The following GRK1 variants were observed in gnomAD, a reference collection of about 807,000 sequenced individuals.
The protein encoded by GRK1 is rhodopsin kinase GRK1.
In GRK1, 28 loss-of-function variants were observed where a neutral mutation model predicts 41.7. The observed-to-expected ratio is 0.67, with a 90% CI of 0.50 to 0.92. GRK1 has a LOEUF of 0.92. Among genes scored for constraint, GRK1 ranks in the 40% least tolerant of loss-of-function variants. The probability of loss-of-function intolerance (pLI) is 0.00; values close to 1 mark genes in which losing one functional copy is unlikely to be tolerated. For missense variants in GRK1, 703 were observed against 671.2 expected (o/e 1.05, Z -0.52); for synonymous variants, 327 against 286.7 (o/e 1.14, Z -1.42).
At chr13:113,659,733 A>G in the GRK1 span, among the ~76,000 whole-genome samples, 2 of 152,124 alleles carry the variant, frequency 1.3e-5, no homozygotes. Flanking sequence ...GCGCCCAGCC[A>G]TAATTTCTTA....
chr13:113,735,177 C>T lies in GRK1; in HGVS notation c.1506C>T (p.Asp502=). 1 of 1,537,194 alleles carries T rather than the reference C, an allele frequency of 6.5e-7. No homozygotes were observed. Among genetic ancestry groups the T allele is most frequent in the Non-Finnish European group, 8.7e-7 (1 of 1,146,896 alleles). The change falls in exon 7 of 7, where the codon GAC becomes GAT. Residue 502 remains aspartate, a synonymous_variant. Coordinates refer to ENST00000335678, the MANE Select transcript of GRK1 (RefSeq NM_002929.3). ...TVKGVAFDKT[D]TEFFQEFATG... ...AAGGTGTGGCCTTTGACAAAACAGA[C>T]ACAGAATTCTTTCAGGAATTTGCCA...
chr13:113,651,046 G>A, the GRK1 span, among the ~76,000 whole-genome samples: 1 of 124,362 alleles, frequency 8.0e-6, no homozygotes, highest in Non-Finnish European at 1.8e-5. Context: ...GCAAATCCCC[G>A]CGGCCCCCAC....
chr13:113,725,259 C>A (rs565956004), intron 4 of GRK1, among the ~76,000 whole-genome samples: 17 of 151,458 alleles, frequency 1.1e-4, no homozygotes, highest in Non-Finnish European at 1.9e-4. Context: ...GCGGTGCGGA[C>A]CCAGGGGCGT....
upstream of GRK1, among the ~76,000 whole-genome samples, chr13:113,665,817 C>T (rs757109012): frequency 1.4e-5 from 2 of 143,178 alleles, no homozygotes; most frequent in African/African-American, 2.6e-5. Flanking sequence ...AAGTGTTCCC[C>T]AACTGCATTT....
At chr13:113,655,769 T>C in the GRK1 span, among the ~76,000 whole-genome samples, 1 of 152,224 alleles carries the variant, frequency 6.6e-6, no homozygotes, top group East Asian at 1.9e-4. Flanking sequence ...GCTCCTCCTC[T>C]CCGCTGATGT....
chr13:113,649,458 C>T, the GRK1 span: 2 of 1,568,778 alleles, frequency 1.3e-6, no homozygotes, highest in Middle Eastern at 1.8e-4. The surrounding 1 kb of genome is among the most constrained non-coding windows in gnomAD (Gnocchi z 4.7). Context: ...CCGCCATGAC[C>T]TTGCACACGA....
At chr13:113,657,072 G>A in the GRK1 span, among the ~76,000 whole-genome samples, 7 of 152,188 alleles carry the variant, frequency 4.6e-5, no homozygotes, top group South Asian at 2.1e-4. Flanking sequence ...AGCCTCCAGC[G>A]GGGGCTGCAG....
the GRK1 span, chr13:113,649,687 T>G: frequency 2.3e-6 from 2 of 870,102 alleles, no homozygotes; most frequent in Non-Finnish European, 3.3e-6. This position sits in a 1 kb window ranked among gnomAD's most constrained non-coding sequence, Gnocchi z 4.7. Context: ...CCCTGGAATT[T>G]GCTGAGATAA....
At chr13:113,727,899 T>A in intron 4 of GRK1, among the ~76,000 whole-genome samples, 1 of 80,680 alleles carries the variant, frequency 1.2e-5, no homozygotes, top group South Asian at 5.3e-4. Context: ...GGAGTACCCA[T>A]GGCAATGAGG....
At chr13:113,649,347 G>T in the GRK1 span, 4 of 1,578,168 alleles carry the variant, frequency 2.5e-6, no homozygotes, top group African/African-American at 5.4e-5. This position sits in a 1 kb window ranked among gnomAD's most constrained non-coding sequence, Gnocchi z 4.7. Context: ...CCCCGCAGGC[G>T]TGCCCAGGAC....
chr13:113,651,856 C>T, the GRK1 span: 1 of 1,112,478 alleles, frequency 9.0e-7, no homozygotes, highest in Non-Finnish European at 1.2e-6. Flanking sequence ...TGAGAAGGGC[C>T]CTTGGTCTGG....
the GRK1 span, among the ~76,000 whole-genome samples, chr13:113,657,702 C>T: frequency 1.3e-5 from 2 of 152,250 alleles, no homozygotes; most frequent in Admixed American, 6.5e-5. Context: ...CCACCTTTCA[C>T]GTTATTTTCA....
chr13:113,733,898 TATGTGTGCATACAGTGTGCGTGTGTGC>T (rs1377540728), intron 6 of GRK1, among the ~76,000 whole-genome samples: 2 of 65,618 alleles, frequency 3.0e-5, no homozygotes, highest in Non-Finnish European at 5.7e-5. Context: ...TGCGTGTGTG[TATGTGTGCATACAGTGTGCGTGTGTGC>T]ATGTGTGCAT....
At chr13:113,669,606 G>C (rs2049842517) in intron 1 of GRK1, 81 bp from the exon 2 acceptor site, 1 of 1,563,980 alleles carries the variant, frequency 6.4e-7, no homozygotes, top group Non-Finnish European at 8.8e-7. Flanking sequence ...AGTGGGCGTG[G>C]CCGGGTGCAC....
chr13:113,733,063 T>C lies in GRK1; in HGVS notation c.1374T>C (p.Leu458=). ...KLRAHPLFKD[L]NWRQLEAGML... is the part of the protein sequence containing the mutation. Reference sequence around the variant, plus strand: ...GTGCCCACCCCCTCTTCAAGGACCTTAACTGGAGGCAGCTGGAGGCTGGTA... The same window carrying C: ...GTGCCCACCCCCTCTTCAAGGACCTCAACTGGAGGCAGCTGGAGGCTGGTA... The change falls in exon 6 of 7, where the codon CTT becomes CTC. Residue 458 remains leucine, a synonymous_variant. Transcript: ENST00000335678. 1 of 1,536,742 alleles carries C rather than the reference T, an allele frequency of 6.5e-7. No homozygotes were observed. The highest frequency in any genetic ancestry group is 8.7e-7 in the Non-Finnish European group (1 of 1,146,768).
At chr13:113,733,155 G>A in intron 6 of GRK1, 70 bp downstream of exon 6, 1 of 1,446,744 alleles carries the variant, frequency 6.9e-7, no homozygotes, top group Non-Finnish European at 9.2e-7. Context: ...TGTCCGCCCG[G>A]TCCAGCCTGT....
Position 113,735,379 on chromosome 13 carries a change from C to G in GRK1, c.*16C>G. ...GGTTTCCTAGGTGACGCCCCAGAGT[C>G]CACGTGGAGGAAAAGGACCCATACG... On this transcript the variant is annotated 3_prime_UTR_variant, in exon 7 of 7. Coordinates refer to ENST00000335678, the MANE Select transcript of GRK1 (RefSeq NM_002929.3). 1 of 1,472,424 alleles carries G rather than the reference C, an allele frequency of 6.8e-7. No individual in the cohort carries two copies. Among genetic ancestry groups the G allele is most frequent in the Non-Finnish European group, 9.0e-7 (1 of 1,113,254 alleles). 91.2% of individuals were successfully genotyped at this position (1,472,424 alleles called of 1,614,324 possible).
At chr13:113,734,924 C>A in intron 6 of GRK1, 144 bp from the exon 7 acceptor site, 7 of 793,764 alleles carry the variant, frequency 8.8e-6, no homozygotes, top group Non-Finnish European at 1.1e-5. Flanking sequence ...GGCTTTCTCT[C>A]TCAGCCTCCA....
chr13:113,734,027 C>CGCGCATGTGT (rs1566700651), intron 6 of GRK1, among the ~76,000 whole-genome samples: 1 of 132,184 alleles, frequency 7.6e-6, no homozygotes, highest in African/African-American at 2.9e-5. Flanking sequence ...TGTGTGCGTG[C>CGCGCATGTGT]GTGTGCGTAT....
Sources: gnomAD v4.1 joint callset for allele counts (sites outside exome capture counted in the v4.1 genomes callset) on GRCh38, gnomAD v4.1.1 for gene constraint, Gnocchi (gnomAD v3.1) non-coding constraint, MANE v1.5 for transcripts, NCBI Gene and HGNC (gene_info 2026-07-23, HGNC 2026-07-21) for gene names.